Variants in STRN4 observed in about 807,000 individuals in gnomAD.
STRN4 encodes striatin 4, also known as striatin-4.
Under a neutral mutation model 77.9 loss-of-function variants are expected in STRN4, and 27 were observed. The observed-to-expected ratio is 0.35, with a 90% CI of 0.26 to 0.48. STRN4 has a LOEUF of 0.48. STRN4 is among the 20% of genes least tolerant of loss of function. STRN4 has a pLI of 0.99. For synonymous variants in STRN4, 466 were observed against 443.1 expected (o/e 1.05, Z -0.65); for missense variants, 798 against 1,049.7 (o/e 0.76, Z 3.31).
chr19:46,731,013 A>T (rs1418832355), intron 5 of STRN4, 140 bp from the exon 6 acceptor site: 1 of 1,191,826 alleles, frequency 8.4e-7, no homozygotes, highest in Non-Finnish European at 1.2e-6. Flanking sequence ...GACTCTGGTC[A>T]CACACAGAGC....
chr19:46,727,914 G>T lies in STRN4; in HGVS notation c.1133C>A (p.Pro378His), dbSNP rs1426745572. Residue 378 changes from proline to histidine, a missense_variant, in exon 8 of 18, where the codon CCC becomes CAC. Physicochemically the swap from Pro to His is moderately conservative, Grantham distance 77. Around this residue, in one of 2 missense-constraint regions of STRN4, gnomAD observed 511 missense variants for 575.9 expected, o/e 0.89. Coordinates refer to ENST00000263280, the MANE Select transcript of STRN4 (RefSeq NM_013403.3). ...CTTACCTTCATGTGGCCGGGGCTGGGGTGTGCCAGGAGGCGGGCCAGTCAC... is the reference window on the plus strand; with the variant it reads ...CTTACCTTCATGTGGCCGGGGCTGGTGTGTGCCAGGAGGCGGGCCAGTCAC... ...PKVTGPPPGT[P>H]QPRPHEDVFI... is the part of the protein sequence containing the mutation. 1 of 1,611,124 alleles carries T rather than the reference G, an allele frequency of 6.2e-7. No individual in the cohort carries two copies. Among genetic ancestry groups the T allele is most frequent in the Non-Finnish European group, 8.5e-7 (1 of 1,178,398 alleles).
intron 4 of STRN4, among the ~76,000 whole-genome samples, chr19:46,734,621 A>G (rs1268230298): frequency 2.6e-5 from 4 of 152,220 alleles, no homozygotes; most frequent in Non-Finnish European, 4.4e-5. Context: ...TGAGGTCTTC[A>G]AAGTGATGCA....
intron 1 of STRN4, chr19:46,745,661 G>A (rs1392034822): frequency 6.5e-6 from 1 of 152,798 alleles, no homozygotes; most frequent in African/African-American, 2.4e-5. Context: ...CATGGTCGGG[G>A]TCGGGGTCGG....
rs1422455276 is a variant in STRN4 at position 46,727,674 on chromosome 19, C to T, written c.1154-128G>A. On this transcript the variant is annotated intron_variant, in intron 8 of 17. Coordinates refer to ENST00000263280, the MANE Select transcript of STRN4 (RefSeq NM_013403.3). ...GCAAGAGAGAGAGACGGGGAGAGGA[C>T]AAGATGAAGAATCACAGCTGGAAAG... 10 of 811,710 alleles carry T rather than the reference C, an allele frequency of 1.2e-5. No homozygotes were observed. In the Admixed American group the frequency reaches 1.6e-4, roughly 13 times the overall value. The allele number at this position is 811,710 out of a possible 1,614,324, so 50.3% of individuals were successfully genotyped here.
At chr19:46,742,724 G>A (rs562181495) in intron 1 of STRN4, among the ~76,000 whole-genome samples, 10 of 152,082 alleles carry the variant, frequency 6.6e-5, no homozygotes, top group Non-Finnish European at 1.2e-4. Context: ...CACCACGCCC[G>A]ACTAATTTCT....
chr19:46,731,096 G>A (rs549669515), intron 5 of STRN4, among the ~76,000 whole-genome samples: 1 of 152,300 alleles, frequency 6.6e-6, no homozygotes, highest in African/African-American at 2.4e-5. Context: ...ACGGGGCCCA[G>A]CTCCTCAATG....
At position 46,733,105 on chromosome 19, in the gene STRN4, G is replaced by C; in HGVS notation, c.671C>G (p.Pro224Arg). The change falls in exon 5 of 18, where the codon CCA becomes CGA. Residue 224 changes from proline (P) to arginine (R), a missense_variant. Pro to Arg is a moderately radical substitution (Grantham distance 103, BLOSUM62 -2). Transcript: ENST00000263280. The surrounding 1 kb of genome is among the most constrained non-coding windows in gnomAD (Gnocchi z 4.3). The part of the protein sequence containing the change: ...EPSEGAPRAP[P>R]GPAGLSGGES... ...CCCACCACTGAGCCCTGCAGGGCCTGGTGGAGCCCTGGGGGCCCCTTCACT... is the reference window on the plus strand; with the variant it reads ...CCCACCACTGAGCCCTGCAGGGCCTCGTGGAGCCCTGGGGGCCCCTTCACT... The C allele has an allele frequency of 6.2e-7, 1 of 1,613,416 alleles. No homozygotes were observed. Among genetic ancestry groups the C allele is most frequent in the Non-Finnish European group, 8.5e-7 (1 of 1,179,944 alleles).
intron 15 of STRN4, 66 bp downstream of exon 15, chr19:46,722,176 C>T: frequency 6.3e-7 from 1 of 1,598,602 alleles, no homozygotes; most frequent in Non-Finnish European, 8.6e-7. Flanking sequence ...CACAGGGACG[C>T]AAGCATCTCT....
chr19:46,727,571 G>C, intron 8 of STRN4, 25 bp from the exon 9 acceptor site: 1 of 1,608,772 alleles, frequency 6.2e-7, no homozygotes, highest in Non-Finnish European at 8.5e-7. Flanking sequence ...AAGGAACCTG[G>C]TAGGGGGAGG....
In STRN4 at chr19:46,745,941, C is replaced by T. The variant is rs2054584426; in HGVS notation, c.282+208G>A. On this transcript the variant is annotated intron_variant, in intron 1 of 17. Coordinates refer to ENST00000263280, the MANE Select transcript of STRN4 (RefSeq NM_013403.3). The stretch of plus-strand genomic sequence containing the variant: ...CGGTCCCTCCACTCCCACCTCGGGC[C>T]GTCCCGGTCCCGTCCCACCCCGGAG... 11 of 514,788 alleles carry T rather than the reference C, an allele frequency of 2.1e-5. No homozygotes were observed. The South Asian group carries it at 4.8e-4, about 22-fold the overall frequency. 31.9% of individuals were successfully genotyped at this position (514,788 alleles called of 1,614,324 possible). A position where few individuals can be genotyped will look rare whatever the true frequency, so the allele number is the denominator to read the frequency against.
intron 16 of STRN4, chr19:46,721,747 A>G (rs1244049162): frequency 6.0e-6 from 3 of 500,756 alleles, no homozygotes; most frequent in African/African-American, 5.8e-5. Flanking sequence ...TAAACTGGGG[A>G]TCAAAGTACC....
At position 46,745,095 on chromosome 19, in the gene STRN4, C is replaced by A. The variant is rs1172430418; in HGVS notation, c.282+1054G>T. On this transcript the variant is annotated intron_variant, in intron 1 of 17. Coordinates refer to ENST00000263280, the MANE Select transcript of STRN4 (RefSeq NM_013403.3). ...TGTTGCCTTCGGGCTCTACAAAATTCTCCCCCCTAAAGCATCACCCCAGGG... is the reference window on the plus strand; with the variant it reads ...TGTTGCCTTCGGGCTCTACAAAATTATCCCCCCTAAAGCATCACCCCAGGG... Among the ~76,000 whole-genome samples the A allele has an allele frequency of 3.3e-5, 5 of 150,208 alleles. No individual in the cohort carries two copies. The East Asian group carries it at 5.9e-4, about 18-fold the overall frequency.
intron 4 of STRN4, among the ~76,000 whole-genome samples, chr19:46,735,859 G>A (rs2054349447): frequency 2.6e-5 from 4 of 151,926 alleles, no homozygotes; most frequent in African/African-American, 9.7e-5. Context: ...AGCTACTAGG[G>A]AGGCTGAGGC....
chr19:46,722,651 G>A (rs1432492099), intron 14 of STRN4, among the ~76,000 whole-genome samples, 159 bp downstream of exon 14: 9 of 152,338 alleles, frequency 5.9e-5, no homozygotes, highest in Middle Eastern at 3.4e-3. Context: ...TGTGAGGGCC[G>A]GGGGCCCTCC....
Position 46,722,818 on chromosome 19 carries a change from C to T in STRN4, c.1898G>A (p.Gly633Asp), listed in dbSNP as rs1391259189. ...GATGTCAGCCCCCTTACCGCTGCTGCCCCGGGACTCCAGCGTGAGGAGGGC... is the reference window on the plus strand; with the variant it reads ...GATGTCAGCCCCCTTACCGCTGCTGTCCCGGGACTCCAGCGTGAGGAGGGC... ...GSALLTLESRGSSGPTQINQV... is the reference protein window; with the variant it reads ...GSALLTLESRDSSGPTQINQV... The change falls in exon 14 of 18, where the codon GGC becomes GAC. Residue 633 changes from glycine (G) to aspartate (D), a missense_variant. Physicochemically the swap from Gly to Asp is moderately conservative, Grantham distance 94. This residue lies in a region of STRN4 where 287 missense variants were observed against 473.8 expected (regional missense o/e 0.61). Transcript: ENST00000263280. The T allele has an allele frequency of 1.9e-6, 3 of 1,613,758 alleles. No homozygotes were observed. Among genetic ancestry groups the T allele is most frequent in the South Asian group, 2.2e-5 (2 of 91,084 alleles).
At chr19:46,734,790 G>A (rs567126872) in intron 4 of STRN4, among the ~76,000 whole-genome samples, 14 of 151,950 alleles carry the variant, frequency 9.2e-5, no homozygotes, top group Non-Finnish European at 2.1e-4. Context: ...TCAGCCTCCC[G>A]AGTAGCTGGG....
Position 46,741,781 on chromosome 19 carries a change from G to A in STRN4, c.283-2893C>T, listed in dbSNP as rs571665537. On this transcript the variant is annotated intron_variant, in intron 1 of 17. Coordinates refer to ENST00000263280, the MANE Select transcript of STRN4 (RefSeq NM_013403.3). This position sits in a 1 kb window ranked among gnomAD's most constrained non-coding sequence, Gnocchi z 4.9. ...CAATTCAGTCCTCCCAGGAGCTGAT[G>A]CCTCTCTGAATTCGCTGCTTCCTGT... 5.3e-5 allele frequency among the ~76,000 whole-genome samples: 8 copies of A among 152,348 alleles called. No homozygotes were observed. The East Asian group carries it at 1.4e-3, about 26-fold the overall frequency.
In STRN4 at chr19:46,727,916, T is replaced by C. The variant is rs775130421; in HGVS notation, c.1131A>G (p.Thr377=). The change falls in exon 8 of 18, where the codon ACA becomes ACG. Residue 377 remains threonine, a synonymous_variant. Coordinates refer to ENST00000263280, the MANE Select transcript of STRN4 (RefSeq NM_013403.3). Reference sequence around the variant, plus strand: ...TACCTTCATGTGGCCGGGGCTGGGGTGTGCCAGGAGGCGGGCCAGTCACTT... The same window carrying C: ...TACCTTCATGTGGCCGGGGCTGGGGCGTGCCAGGAGGCGGGCCAGTCACTT... ...PPKVTGPPPG[T]PQPRPHEDVF... is the part of the protein sequence containing the mutation. 12 of 1,610,706 alleles carry C rather than the reference T, an allele frequency of 7.5e-6. No homozygotes were observed. The highest frequency in any genetic ancestry group is 5.9e-6 in the Non-Finnish European group (7 of 1,178,256).
In STRN4 at chr19:46,720,922, C is replaced by T. The variant is rs978980252; in HGVS notation, c.2093-151G>A. On this transcript the variant is annotated intron_variant, in intron 16 of 17. Coordinates refer to ENST00000263280, the MANE Select transcript of STRN4 (RefSeq NM_013403.3). Reference sequence around the variant, plus strand: ...CCTCTGCTCATCACCTCCTGTGGCCCGCCCAAAGGAGAACCCTGGTCCCCT... The same window carrying T: ...CCTCTGCTCATCACCTCCTGTGGCCTGCCCAAAGGAGAACCCTGGTCCCCT... 18 of 879,516 alleles carry T rather than the reference C, an allele frequency of 2.0e-5. No homozygotes were observed. The African/African-American group carries it at 2.4e-4, about 12-fold the overall frequency. The allele number at this position is 879,516 out of a possible 1,614,324, so 54.5% of individuals were successfully genotyped here.
Sources: allele counts gnomAD v4.1 joint callset (sites outside exome capture counted in the v4.1 genomes callset), GRCh38; gene constraint gnomAD v4.1.1; regional missense constraint gnomAD v4.1.1; non-coding constraint Gnocchi (gnomAD v3.1); transcripts MANE v1.5; gene names NCBI Gene and HGNC (gene_info 2026-07-23, HGNC 2026-07-21).